Variants in ZNF385B observed in about 807,000 individuals in gnomAD.
The protein encoded by ZNF385B is zinc finger protein 533.
ZNF385B carries 23 observed loss-of-function variants against 39.2 expected under a neutral mutation model. The observed-to-expected ratio is 0.59, with a 90% CI of 0.42 to 0.83. ZNF385B has a LOEUF of 0.83. Ranked by LOEUF, ZNF385B falls within the 40% of genes least tolerant of loss-of-function variation. The probability of loss-of-function intolerance (pLI) is 0.00; values close to 1 mark genes in which losing one functional copy is unlikely to be tolerated. For missense variants in ZNF385B, 552 were observed against 598.9 expected (o/e 0.92, Z 0.82); for synonymous variants, 205 against 222.6 (o/e 0.92, Z 0.70).
At chr2:179,510,373 G>A (rs1342472991) in intron 5 of ZNF385B, among the ~76,000 whole-genome samples, 2 of 152,054 alleles carry the variant, frequency 1.3e-5, no homozygotes, top group Non-Finnish European at 2.9e-5. Flanking sequence ...GTATATGTGT[G>A]TATGTGTGTG....
intron 3 of ZNF385B, among the ~76,000 whole-genome samples, chr2:179,685,586 A>C (rs1697859616): frequency 6.6e-6 from 1 of 152,208 alleles, no homozygotes; most frequent in Non-Finnish European, 1.5e-5. Flanking sequence ...CTATAGATGG[A>C]GTATAGTAAC....
chr2:179,676,644 A>C (rs1454487443), intron 3 of ZNF385B, among the ~76,000 whole-genome samples: 3 of 152,236 alleles, frequency 2.0e-5, no homozygotes. Context: ...TGTTGCCATC[A>C]TCTGCTGAGA....
In ZNF385B at chr2:179,443,198, GCTTT is replaced by G. The variant is rs2049115446; in HGVS notation, c.*48_*51del. ...CTGCTTAAATTGCTGAATCCTTGTG[GCTTT>G]CTTTCTCAACTTCCTACTGGCCTCA... On this transcript the variant is annotated 3_prime_UTR_variant, in exon 10 of 10. Coordinates refer to ENST00000410066, the MANE Select transcript of ZNF385B (RefSeq NM_152520.6). 1.2e-6 allele frequency: 2 copies of G among 1,602,332 alleles called. No homozygotes were observed. Among genetic ancestry groups the G allele is most frequent in the Non-Finnish European group, 1.7e-6 (2 of 1,171,740 alleles).
At chr2:179,473,367 A>G (rs1226248128) in intron 6 of ZNF385B, among the ~76,000 whole-genome samples, 1 of 152,184 alleles carries the variant, frequency 6.6e-6, no homozygotes, top group East Asian at 1.9e-4. Flanking sequence ...GTCAAAATAT[A>G]GGCAGGACCT....
At chr2:179,799,093 CT>C (rs912700326) in intron 1 of ZNF385B, among the ~76,000 whole-genome samples, 3 of 151,944 alleles carry the variant, frequency 2.0e-5, no homozygotes, top group African/African-American at 7.2e-5. Flanking sequence ...ATTTGTCATG[CT>C]TATTTTACTC....
rs767307751 is a variant in ZNF385B at position 179,685,115 on chromosome 2, C to T, written c.298+84388G>A. 2.0e-5 allele frequency among the ~76,000 whole-genome samples: 3 copies of T among 152,140 alleles called. No individual in the cohort carries two copies. The East Asian group carries it at 5.8e-4, about 29-fold the overall frequency. On this transcript the variant is annotated intron_variant, in intron 3 of 9. Coordinates refer to ENST00000410066, the MANE Select transcript of ZNF385B (RefSeq NM_152520.6). Reference sequence around the variant, plus strand: ...AAAATGGGTAATTACTGCTTTGGGGCCTTTCATCAACTATGAACTTGGGAA... The same window carrying T: ...AAAATGGGTAATTACTGCTTTGGGGTCTTTCATCAACTATGAACTTGGGAA...
rs142514047 is a variant in ZNF385B at position 179,495,420 on chromosome 2, C to A, written c.553-11986G>T. On this transcript the variant is annotated intron_variant, in intron 5 of 9. Transcript: ENST00000410066. ...TGGCACTTCTGGACCCACCTGGGAA[C>A]TGGGGGACCTCACCGCCCTAAAGGG... is the stretch of plus-strand genomic sequence containing the variant. Among the ~76,000 whole-genome samples, 5 of 152,322 alleles carry A rather than the reference C, an allele frequency of 3.3e-5. No individual in the cohort carries two copies. The East Asian group carries it at 9.7e-4, about 29-fold the overall frequency.
intron 3 of ZNF385B, among the ~76,000 whole-genome samples, chr2:179,582,948 C>T (rs1686700205): frequency 6.6e-6 from 1 of 152,182 alleles, no homozygotes; most frequent in Non-Finnish European, 1.5e-5. Flanking sequence ...CTCCTGGGTT[C>T]AAGCGATTCT....
At chr2:179,695,437 T>C (rs1698666676) in intron 3 of ZNF385B, among the ~76,000 whole-genome samples, 1 of 152,006 alleles carries the variant, frequency 6.6e-6, no homozygotes, top group Non-Finnish European at 1.5e-5. Flanking sequence ...TTAAATTATA[T>C]AACTGAAAGA....
chr2:179,761,979 T>G (rs189589464), intron 3 of ZNF385B, among the ~76,000 whole-genome samples: 157 of 152,184 alleles, frequency 1.0e-3, no homozygotes, highest in Non-Finnish European at 1.8e-3. Flanking sequence ...CCCCTGCTCT[T>G]GGTCTTAGGA....
intron 5 of ZNF385B, among the ~76,000 whole-genome samples, chr2:179,491,424 T>C (rs1342578211): frequency 6.6e-6 from 1 of 152,192 alleles, no homozygotes; most frequent in African/African-American, 2.4e-5. Context: ...TGGCAAAGCA[T>C]GCCTTTAGCC....
At chr2:179,823,377 T>A (rs1178127297) in intron 1 of ZNF385B, among the ~76,000 whole-genome samples, 1 of 152,170 alleles carries the variant, frequency 6.6e-6, no homozygotes, top group African/African-American at 2.4e-5. Context: ...ACTTTTCTTT[T>A]CCAGGCTATC....
At chr2:179,759,683 C>T (rs1235566664) in intron 3 of ZNF385B, among the ~76,000 whole-genome samples, 1 of 152,160 alleles carries the variant, frequency 6.6e-6, no homozygotes, top group Non-Finnish European at 1.5e-5. Flanking sequence ...CCTTCCTTGA[C>T]CTCCATAAAG....
intron 3 of ZNF385B, among the ~76,000 whole-genome samples, chr2:179,619,902 GCCAGAAAGATATAGGATGAAATT>G (rs1343849068): frequency 6.6e-6 from 1 of 152,138 alleles, no homozygotes; most frequent in Admixed American, 6.5e-5. Context: ...AAAAGAGAAA[GCCAGAAAGATATAGGATGAAATT>G]CTGTCATTTA....
chr2:179,618,741 A>G (rs947441893), intron 3 of ZNF385B, among the ~76,000 whole-genome samples: 1 of 152,166 alleles, frequency 6.6e-6, no homozygotes, highest in Admixed American at 6.5e-5. Context: ...GGAATCAGGA[A>G]AGCACTAAAC....
At chr2:179,745,677 AC>A (rs1397309189) in intron 3 of ZNF385B, 4 of 1,519,922 alleles carry the variant, frequency 2.6e-6, no homozygotes, top group Admixed American at 2.1e-5. Flanking sequence ...GACATCCCAG[AC>A]CCCAGCATCC....
At chr2:179,571,937 C>T (rs1026090945) in intron 3 of ZNF385B, among the ~76,000 whole-genome samples, 1 of 152,056 alleles carries the variant, frequency 6.6e-6, no homozygotes, top group Middle Eastern at 3.2e-3. Flanking sequence ...AGTTGATGCC[C>T]TAATGGCCCT....
At chr2:179,529,261 T>G (rs553235427) in intron 4 of ZNF385B, among the ~76,000 whole-genome samples, 1 of 152,166 alleles carries the variant, frequency 6.6e-6, no homozygotes, top group Non-Finnish European at 1.5e-5. Flanking sequence ...GGAAAAAGAA[T>G]TAAGGTAATG....
At chr2:179,762,836 A>G (rs1703479551) in intron 3 of ZNF385B, among the ~76,000 whole-genome samples, 1 of 152,164 alleles carries the variant, frequency 6.6e-6, no homozygotes, top group African/African-American at 2.4e-5. Flanking sequence ...TTGTTTTTCA[A>G]GTGCTTTGTA....
Sources: allele counts gnomAD v4.1 joint callset (sites outside exome capture counted in the v4.1 genomes callset), GRCh38; gene constraint gnomAD v4.1.1; transcripts MANE v1.5; gene names NCBI Gene and HGNC (gene_info 2026-07-23, HGNC 2026-07-21).